PTPRO: variants seen among roughly 807,000 people sequenced by gnomAD.
The protein encoded by PTPRO is receptor-type tyrosine-protein phosphatase O.
In PTPRO, 62 loss-of-function variants were observed where a neutral mutation model predicts 145.2. That is an observed-to-expected ratio of 0.43 (90% confidence interval 0.35 to 0.53). The LOEUF is 0.53. Among genes scored for constraint, PTPRO ranks in the 20% least tolerant of loss-of-function variants. The pLI is 0.01. For missense variants in PTPRO, 1,345 were observed against 1,482.7 expected, an observed-to-expected ratio of 0.91 and a Z score of 1.53; for synonymous variants, 565 against 514.7, an observed-to-expected ratio of 1.10 and a Z score of -1.32.
At chr12:15,440,316 C>A (rs1213417277) in intron 1 of PTPRO, 3 of 497,310 alleles carry the variant, frequency 6.0e-6, no homozygotes, top group South Asian at 4.8e-5. Flanking sequence ...ACCATGTCTC[C>A]CTATCAGGAA....
chr12:15,497,435 T>G (rs780317142), intron 3 of PTPRO, 32 bp downstream of exon 3: 17 of 1,603,876 alleles, frequency 1.1e-5, no homozygotes, highest in Non-Finnish European at 1.4e-5. Flanking sequence ...GAATCAATGA[T>G]GACCCTCACT....
intron 5 of PTPRO, among the ~76,000 whole-genome samples, chr12:15,503,178 G>C (rs989109998): frequency 1.3e-5 from 2 of 151,942 alleles, no homozygotes; most frequent in Admixed American, 6.6e-5. Context: ...ATAGGATCTT[G>C]TCATTACAAA....
At chr12:15,343,630 G>T (rs760064850) in intron 1 of PTPRO, among the ~76,000 whole-genome samples, 4 of 152,170 alleles carry the variant, frequency 2.6e-5, no homozygotes, top group Non-Finnish European at 5.9e-5. Flanking sequence ...CGGGGTTGCA[G>T]TGAACATGAT....
intron 15 of PTPRO, among the ~76,000 whole-genome samples, chr12:15,552,065 C>T (rs188086213): frequency 6.8e-5 from 7 of 102,876 alleles, no homozygotes; most frequent in African/African-American, 1.6e-4. Flanking sequence ...GGGTGGGGGG[C>T]GGGAAATCCT....
chr12:15,504,131 T>C (rs1375695749), intron 6 of PTPRO, 62 bp downstream of exon 6: 1 of 1,504,482 alleles, frequency 6.6e-7, no homozygotes, highest in Non-Finnish European at 9.2e-7. Flanking sequence ...ACTGGTGGGA[T>C]TAATGATGCT....
chr12:15,364,794 G>C lies in PTPRO; in HGVS notation c.75+41993G>C, dbSNP rs557366275. 6.6e-5 allele frequency among the ~76,000 whole-genome samples: 10 copies of C among 152,262 alleles called. No homozygotes were observed. In the East Asian group the frequency reaches 1.7e-3, roughly 26 times the overall value. On this transcript the variant is annotated intron_variant, in intron 1 of 26. Transcript: ENST00000281171. Reference sequence around the variant, plus strand: ...AATAATTTTGTTCTGCAAGAGAGTAGTACATATTTATAAAGCACTGAATCC... The same window carrying C: ...AATAATTTTGTTCTGCAAGAGAGTACTACATATTTATAAAGCACTGAATCC...
chr12:15,572,964 C>CCGCACAA (rs1455326573), intron 19 of PTPRO, among the ~76,000 whole-genome samples: 1 of 152,106 alleles, frequency 6.6e-6, no homozygotes, highest in Non-Finnish European at 1.5e-5. Context: ...GAGAATTGTC[C>CCGCACAA]TAGGCCGAAA....
chr12:15,326,384 A>G (rs1370258788), intron 1 of PTPRO, among the ~76,000 whole-genome samples: 4 of 152,206 alleles, frequency 2.6e-5, no homozygotes, highest in Non-Finnish European at 4.4e-5. Flanking sequence ...CCATGCTTCT[A>G]CAGATGATCG....
chr12:15,583,527 T>C (rs1407881227), intron 23 of PTPRO, among the ~76,000 whole-genome samples: 1 of 152,002 alleles, frequency 6.6e-6, no homozygotes, highest in Non-Finnish European at 1.5e-5. Flanking sequence ...AAATAGTATT[T>C]TATGTGAAAT....
At chr12:15,342,790 C>T (rs1867046732) in intron 1 of PTPRO, among the ~76,000 whole-genome samples, 1 of 152,166 alleles carries the variant, frequency 6.6e-6, no homozygotes, top group African/African-American at 2.4e-5. Flanking sequence ...CTAAGCCTTT[C>T]TTAGTATGTC....
At chr12:15,473,420 AT>A (rs776375974) in intron 1 of PTPRO, among the ~76,000 whole-genome samples, 2 of 152,176 alleles carry the variant, frequency 1.3e-5, no homozygotes, top group Non-Finnish European at 2.9e-5. Context: ...GGTGAACGTA[AT>A]TACCGAATTC....
intron 2 of PTPRO, among the ~76,000 whole-genome samples, chr12:15,495,411 T>C (rs1192500702): frequency 4.0e-5 from 6 of 150,006 alleles, no homozygotes; most frequent in African/African-American, 1.5e-4. Context: ...TAGTTATTTA[T>C]TGAATGAACT....
At chr12:15,560,922 A>G (rs185600358) in intron 17 of PTPRO, among the ~76,000 whole-genome samples, 8 of 152,262 alleles carry the variant, frequency 5.3e-5, no homozygotes, top group African/African-American at 1.9e-4. Flanking sequence ...TTTCCTCTGT[A>G]AAGAGCAGAC....
At chr12:15,590,781 T>C (rs1379677648) in intron 25 of PTPRO, among the ~76,000 whole-genome samples, 1 of 152,210 alleles carries the variant, frequency 6.6e-6, no homozygotes, top group African/African-American at 2.4e-5. Context: ...TCACTTGGTT[T>C]CAATCATGCT....
intron 1 of PTPRO, among the ~76,000 whole-genome samples, chr12:15,435,242 T>G (rs1940563083): frequency 6.6e-6 from 1 of 152,216 alleles, no homozygotes; most frequent in Non-Finnish European, 1.5e-5. Context: ...CAAAAGTATG[T>G]GAAATTATTA....
intron 1 of PTPRO, among the ~76,000 whole-genome samples, chr12:15,342,337 T>C (rs1229912056): frequency 2.6e-5 from 4 of 152,180 alleles, no homozygotes; most frequent in Admixed American, 2.6e-4. Flanking sequence ...TTCATACCCA[T>C]ACCACCCAGC....
At chr12:15,451,546 C>G (rs1435862382) in intron 1 of PTPRO, among the ~76,000 whole-genome samples, 1 of 152,166 alleles carries the variant, frequency 6.6e-6, no homozygotes, top group Non-Finnish European at 1.5e-5. Context: ...AATATGCATT[C>G]TACTCATCAG....
At chr12:15,398,570 G>A (rs983008584) in intron 1 of PTPRO, among the ~76,000 whole-genome samples, 8 of 151,448 alleles carry the variant, frequency 5.3e-5, no homozygotes, top group African/African-American at 1.9e-4. Flanking sequence ...AGAGTGTTTT[G>A]AGAATCAAAT....
intron 7 of PTPRO, among the ~76,000 whole-genome samples, chr12:15,510,518 A>G (rs577738962): frequency 6.6e-6 from 1 of 152,368 alleles, no homozygotes; most frequent in South Asian, 2.1e-4. Context: ...CTAAAGGTAG[A>G]GATAGATATT....
Sources: allele counts gnomAD v4.1 joint callset (sites outside exome capture counted in the v4.1 genomes callset), GRCh38; gene constraint gnomAD v4.1.1; transcripts MANE v1.5; gene names NCBI Gene and HGNC (gene_info 2026-07-23, HGNC 2026-07-21).